Variants in DPP6 observed in about 807,000 individuals in gnomAD.
DPP6 encodes the protein A-type potassium channel modulatory protein DPP6.
A neutral mutation model predicts 122.6 loss-of-function variants in DPP6; 69 were observed. The observed-to-expected ratio is 0.56, with a 90% CI of 0.46 to 0.69. The LOEUF is 0.69. DPP6 is among the 30% of genes least tolerant of loss of function. DPP6 has a pLI of 0.00. For synonymous variants in DPP6, 418 were observed against 433.1 expected, an observed-to-expected ratio of 0.97 and a Z score of 0.43; for missense variants, 928 against 1,116.9, an observed-to-expected ratio of 0.83 and a Z score of 2.41.
rs71184020 is a variant in DPP6 at position 154,646,027 on chromosome 7, CA to C, written c.680+8172del. 3.0e-3 allele frequency among the ~76,000 whole-genome samples: 171 copies of C among 57,940 alleles called. 1 individual carries two copies. The highest frequency in any genetic ancestry group is 0.025 in the Middle Eastern group (1 of 40). The allele number at this position is 57,940 out of a possible 152,430, so 38.0% of individuals were successfully genotyped here. On this transcript the variant is annotated intron_variant, in intron 6 of 25. Coordinates refer to ENST00000377770, the MANE Select transcript of DPP6 (RefSeq NM_130797.4). ...CGGGCGGCAGAGTGAGACTCCGTCT[CA>C]AAAAAAAAAAAAAAAAAGAAAATAC...
At chr7:153,748,367 T>A in the DPP6 span, among the ~76,000 whole-genome samples, 1 of 145,512 alleles carries the variant, frequency 6.9e-6, no homozygotes, top group Non-Finnish European at 1.5e-5. Flanking sequence ...GCTGGGTGGG[T>A]GGGGTGCCGG....
Position 154,740,253 on chromosome 7 carries a change from T to C in DPP6, c.883+12366T>C, listed in dbSNP as rs143344457. ...TTTTATAGCGCCCTAATGAAACTTATGTATTTGAGGTTGAGATATTTGACA... is the reference window on the plus strand; with the variant it reads ...TTTTATAGCGCCCTAATGAAACTTACGTATTTGAGGTTGAGATATTTGACA... On this transcript the variant is annotated intron_variant, in intron 8 of 25. Transcript: ENST00000377770. Among the ~76,000 whole-genome samples, 8 of 152,248 alleles carry C rather than the reference T, an allele frequency of 5.3e-5. No homozygotes were observed. The East Asian group carries it at 9.6e-4, about 18-fold the overall frequency.
intron 10 of DPP6, among the ~76,000 whole-genome samples, chr7:154,789,281 T>C (rs1355216937): frequency 1.3e-5 from 2 of 152,254 alleles, no homozygotes; most frequent in African/African-American, 2.4e-5. Flanking sequence ...TGACATTCTA[T>C]GTAAATTAGT....
the DPP6 span, among the ~76,000 whole-genome samples, chr7:153,840,486 A>AT: frequency 2.0e-4 from 29 of 146,226 alleles, no homozygotes; most frequent in African/African-American, 6.4e-4. Flanking sequence ...AGAATAAAGA[A>AT]TTAAAAAAAA....
intron 7 of DPP6, among the ~76,000 whole-genome samples, chr7:154,703,031 T>A (rs1358965746): frequency 6.6e-6 from 1 of 152,234 alleles, no homozygotes; most frequent in East Asian, 1.9e-4. Flanking sequence ...TTAAGAGTGA[T>A]GTTAAGTCTA....
At chr7:153,749,638 C>T in the DPP6 span, among the ~76,000 whole-genome samples, 1 of 152,290 alleles carries the variant, frequency 6.6e-6, no homozygotes, top group African/African-American at 2.4e-5. This position sits in a 1 kb window ranked among gnomAD's most constrained non-coding sequence, Gnocchi z 4.1. Context: ...ACGTTTACTC[C>T]CACGCGCAAA....
chr7:154,644,264 T>G (rs145716002), intron 6 of DPP6, among the ~76,000 whole-genome samples: 88 of 152,352 alleles, frequency 5.8e-4, no homozygotes, highest in Middle Eastern at 6.8e-3. Flanking sequence ...CAGGTTGGAA[T>G]GGTGGGTCGG....
At chr7:154,458,841 C>T (rs1821028225) in intron 2 of DPP6, among the ~76,000 whole-genome samples, 1 of 152,184 alleles carries the variant, frequency 6.6e-6, no homozygotes, top group African/African-American at 2.4e-5. Context: ...CTGCCATTCA[C>T]AATGGGAGTC....
At chr7:153,864,662 A>G in the DPP6 span, among the ~76,000 whole-genome samples, 38 of 141,336 alleles carry the variant, frequency 2.7e-4, no homozygotes, top group Admixed American at 1.7e-3. Context: ...GTCTCAAAAA[A>G]TAATAATAAT....
At chr7:154,147,230 A>G (rs1221317169) in intron 1 of DPP6, among the ~76,000 whole-genome samples, 4 of 152,246 alleles carry the variant, frequency 2.6e-5, no homozygotes, top group African/African-American at 7.2e-5. Flanking sequence ...AAGGGTCTCC[A>G]TGGTTCTCAC....
chr7:154,212,494 G>C (rs1230693235), intron 1 of DPP6, among the ~76,000 whole-genome samples: 1 of 152,162 alleles, frequency 6.6e-6, no homozygotes, highest in African/African-American at 2.4e-5. Flanking sequence ...AGCAACCCAG[G>C]GAGAGGGCAG....
chr7:153,791,946 T>C, the DPP6 span, among the ~76,000 whole-genome samples: 1 of 152,224 alleles, frequency 6.6e-6, no homozygotes, highest in Non-Finnish European at 1.5e-5. Flanking sequence ...TGAGGATCTG[T>C]TTACCAGGAA....
At chr7:153,895,376 A>G (rs1799365361) in intron 1 of DPP6, among the ~76,000 whole-genome samples, 2 of 152,138 alleles carry the variant, frequency 1.3e-5, no homozygotes, top group South Asian at 4.2e-4. Flanking sequence ...AGGAAATTTG[A>G]ATAGATTGAT....
chr7:153,961,717 C>A (rs1795362229), intron 1 of DPP6, among the ~76,000 whole-genome samples: 1 of 148,538 alleles, frequency 6.7e-6, no homozygotes, highest in Non-Finnish European at 1.5e-5. Flanking sequence ...TGTTTTCCTG[C>A]AACTAGACAG....
intron 6 of DPP6, among the ~76,000 whole-genome samples, chr7:154,664,858 A>T (rs1838048265): frequency 2.0e-5 from 3 of 152,150 alleles, no homozygotes; most frequent in Non-Finnish European, 2.9e-5. Context: ...CATATTTCTC[A>T]TGTCACCACT....
chr7:154,398,830 C>T (rs1464220480), intron 1 of DPP6, among the ~76,000 whole-genome samples: 1 of 152,118 alleles, frequency 6.6e-6, no homozygotes, highest in Non-Finnish European at 1.5e-5. Flanking sequence ...ACGTTCTTTT[C>T]TTAAAAGAAG....
At chr7:154,373,777 C>T (rs187573506) in intron 1 of DPP6, among the ~76,000 whole-genome samples, 152 of 152,248 alleles carry the variant, frequency 1.0e-3, no homozygotes, top group African/African-American at 3.5e-3. Flanking sequence ...TAATTCAACA[C>T]GCGCTCCCCA....
At chr7:154,484,544 G>A (rs148342221) in intron 3 of DPP6, among the ~76,000 whole-genome samples, 54 of 152,294 alleles carry the variant, frequency 3.5e-4, no homozygotes, top group African/African-American at 1.2e-3. Context: ...GAAGCTGCTC[G>A]CTGGGCCTGA....
In DPP6 at chr7:154,804,053, G is replaced by T. The variant is rs1563229273; in HGVS notation, c.1499+98G>T. ...CTTATGGAGTACAGGAGCACAGGAG[G>T]CCTCCTCTTTCCTCCTCAGGCAGCA... On this transcript the variant is annotated intron_variant, in intron 14 of 25. Transcript: ENST00000377770. The T allele has an allele frequency of 1.3e-5, 18 of 1,432,134 alleles. No homozygotes were observed. In the South Asian group the frequency reaches 2.3e-4, roughly 18 times the overall value. 88.7% of individuals were successfully genotyped at this position (1,432,134 alleles called of 1,614,324 possible).
Sources: allele counts gnomAD v4.1 joint callset (sites outside exome capture counted in the v4.1 genomes callset), GRCh38; gene constraint gnomAD v4.1.1; non-coding constraint Gnocchi (gnomAD v3.1); transcripts MANE v1.5; gene names NCBI Gene and HGNC (gene_info 2026-07-23, HGNC 2026-07-21).